ERC2: variants seen among roughly 807,000 people sequenced by gnomAD.
ERC2 encodes ELKS/RAB6-interacting/CAST family member 2.
ERC2 carries 42 observed loss-of-function variants against 114.8 expected under a neutral mutation model. The observed-to-expected ratio is 0.37, with a 90% CI of 0.29 to 0.47. The LOEUF (loss-of-function observed/expected upper bound fraction) is 0.47, where lower values mean the gene tolerates loss of function less well. Among genes scored for constraint, ERC2 ranks in the 20% least tolerant of loss-of-function variants. The pLI, the probability that ERC2 is intolerant of heterozygous loss-of-function variation, is 0.99. For synonymous variants in ERC2, 454 were observed against 425.5 expected (o/e 1.07, Z -0.82); for missense variants, 939 against 1,150.7 (o/e 0.82, Z 2.66).
chr3:56,436,707 G>A (rs1035657467), intron 1 of ERC2, among the ~76,000 whole-genome samples: 5 of 152,258 alleles, frequency 3.3e-5, no homozygotes, highest in East Asian at 1.9e-4. Flanking sequence ...GACCCACATT[G>A]GTCCAACAAG....
intron 3 of ERC2, among the ~76,000 whole-genome samples, chr3:56,265,242 A>G (rs963526513): frequency 2.0e-5 from 3 of 152,188 alleles, no homozygotes; most frequent in Non-Finnish European, 2.9e-5. Flanking sequence ...TAGGGTACTC[A>G]CATAAAAACA....
Position 56,355,991 on chromosome 3 carries a change from C to T in ERC2, c.658-59556G>A, listed in dbSNP as rs550635534. 2.0e-5 allele frequency among the ~76,000 whole-genome samples: 3 copies of T among 152,246 alleles called. No homozygotes were observed. In the South Asian group the frequency reaches 6.2e-4, roughly 32 times the overall value. On this transcript the variant is annotated intron_variant, in intron 2 of 17. Transcript: ENST00000288221. ...CAATTAGTGAGACCATATACAGAAG[C>T]CCGGTGAATCAGACGGCCTCACAAC...
chr3:55,710,814 C>A (rs1453427497), intron 15 of ERC2, among the ~76,000 whole-genome samples: 1 of 152,130 alleles, frequency 6.6e-6, no homozygotes, highest in Non-Finnish European at 1.5e-5. Context: ...CAGAACAACC[C>A]AAATTCATAA....
At chr3:55,705,038 G>A (rs1253227417) in intron 15 of ERC2, among the ~76,000 whole-genome samples, 2 of 152,162 alleles carry the variant, frequency 1.3e-5, no homozygotes, top group Non-Finnish European at 2.9e-5. Context: ...TGACTCCAGA[G>A]TCCTACAGCA....
At chr3:56,260,037 T>C (rs2052809120) in intron 3 of ERC2, among the ~76,000 whole-genome samples, 1 of 152,192 alleles carries the variant, frequency 6.6e-6, no homozygotes, top group African/African-American at 2.4e-5. Flanking sequence ...TGAAAACTCA[T>C]TTTCTAATGT....
rs565035261 is a variant in ERC2 at position 55,549,975 on chromosome 3, A to G, written c.*40-38699T>C. 3.4e-5 allele frequency among the ~76,000 whole-genome samples: 5 copies of G among 145,050 alleles called. No individual in the cohort carries two copies. The South Asian group carries it at 6.6e-4, about 19-fold the overall frequency. On this transcript the variant is annotated intron_variant, in intron 17 of 17. Coordinates refer to ENST00000288221, the MANE Select transcript of ERC2 (RefSeq NM_015576.3). ...GAGAGAGAGACAGAGAGAGAGAGAG[A>G]GGGGAAATACTATGTTAATAGGACA...
intron 14 of ERC2, among the ~76,000 whole-genome samples, chr3:55,743,829 T>C (rs1185567741): frequency 6.6e-6 from 1 of 152,124 alleles, no homozygotes; most frequent in African/African-American, 2.4e-5. Context: ...TCACTGTCTC[T>C]GAAACTTCAA....
intron 5 of ERC2, among the ~76,000 whole-genome samples, chr3:56,144,407 C>T (rs73078492): frequency 0.059 from 8,966 of 152,290 alleles, 328 homozygotes; most frequent in African/African-American, 0.1. Flanking sequence ...TTATATCCAG[C>T]TGTAGCTGAC....
At chr3:55,761,329 A>G (rs187546280) in intron 14 of ERC2, among the ~76,000 whole-genome samples, 2 of 152,316 alleles carry the variant, frequency 1.3e-5, no homozygotes, top group South Asian at 2.1e-4. Context: ...GATAAACAGT[A>G]AATATTTTCT....
At chr3:56,307,410 G>C (rs2150383873) in intron 2 of ERC2, among the ~76,000 whole-genome samples, 1 of 152,208 alleles carries the variant, frequency 6.6e-6, no homozygotes, top group East Asian at 1.9e-4. Flanking sequence ...TATTGGCTGA[G>C]AGTCTCTCAA....
At chr3:56,182,950 G>T (rs1268254892) in intron 3 of ERC2, among the ~76,000 whole-genome samples, 1 of 151,824 alleles carries the variant, frequency 6.6e-6, no homozygotes. Context: ...GCACACAGAA[G>T]AAGTGGGGCA....
At chr3:56,463,670 T>G (rs2063416674) in intron 1 of ERC2, among the ~76,000 whole-genome samples, 1 of 152,210 alleles carries the variant, frequency 6.6e-6, no homozygotes, top group Non-Finnish European at 1.5e-5. Context: ...GTTATAATTA[T>G]TATTGTTGTT....
intron 17 of ERC2, among the ~76,000 whole-genome samples, chr3:55,521,034 A>AC (rs2052893366): frequency 3.3e-5 from 5 of 152,198 alleles, no homozygotes; most frequent in African/African-American, 1.2e-4. Context: ...CTCCAATGAC[A>AC]AGTGTTTACA....
At position 56,366,167 on chromosome 3, in the gene ERC2, C is replaced by A. The variant is rs576001174; in HGVS notation, c.657+68184G>T. ...GATACTCTGCTTCTAGTTAGCCCGC[C>A]TCCAGCTTCCTCATGCCAGCAACCT... On this transcript the variant is annotated intron_variant, in intron 2 of 17. Transcript: ENST00000288221. 1.1e-4 allele frequency among the ~76,000 whole-genome samples: 17 copies of A among 152,330 alleles called. No individual in the cohort carries two copies. In the South Asian group the frequency reaches 3.1e-3, roughly 28 times the overall value.
intron 16 of ERC2, among the ~76,000 whole-genome samples, chr3:55,690,472 G>T (rs2062584172): frequency 6.6e-6 from 1 of 152,198 alleles, no homozygotes; most frequent in Non-Finnish European, 1.5e-5. Context: ...GCAGCAAGTT[G>T]AAAAGAAATC....
rs545836395 is a variant in ERC2, at chr3:56,036,000, A to G, written c.1642-16969T>C. Among the ~76,000 whole-genome samples, 45 of 152,352 alleles carry G rather than the reference A, an allele frequency of 3.0e-4. No homozygotes were observed. In the South Asian group the frequency reaches 3.5e-3, roughly 12 times the overall value. On this transcript the variant is annotated intron_variant, in intron 7 of 17. Transcript: ENST00000288221. ...AAACAGAACTCAACAACATATCAAA[A>G]GAGTCATACTTCATGATCTAGTGGA... is the stretch of plus-strand genomic sequence containing the variant.
chr3:56,234,091 C>T (rs1292297616), intron 3 of ERC2, among the ~76,000 whole-genome samples: 2 of 152,152 alleles, frequency 1.3e-5, no homozygotes, highest in African/African-American at 2.4e-5. Flanking sequence ...ATTTAATGTG[C>T]CTCTTTCCTT....
intron 2 of ERC2, among the ~76,000 whole-genome samples, chr3:56,387,203 AAC>A (rs1351505487): frequency 6.6e-6 from 1 of 152,228 alleles, no homozygotes; most frequent in Non-Finnish European, 1.5e-5. Flanking sequence ...CAACTTTAAA[AAC>A]ACAAAAATGC....
At chr3:55,922,922 A>G (rs780358425) in intron 13 of ERC2, among the ~76,000 whole-genome samples, 3 of 152,122 alleles carry the variant, frequency 2.0e-5, no homozygotes, top group Non-Finnish European at 4.4e-5. Flanking sequence ...AGGCCTGTGC[A>G]TTGCCGGTGA....
Sources: allele counts gnomAD v4.1 joint callset (sites outside exome capture counted in the v4.1 genomes callset), GRCh38; gene constraint gnomAD v4.1.1; transcripts MANE v1.5; gene names NCBI Gene and HGNC (gene_info 2026-07-23, HGNC 2026-07-21).